Variants in ZNF691 observed in about 807,000 individuals in gnomAD.
The protein encoded by ZNF691 is zinc finger protein 691.
In ZNF691, 11 loss-of-function variants were observed where a neutral mutation model predicts 24.1. The observed-to-expected ratio is 0.46, with a 90% CI of 0.29 to 0.75. ZNF691 has a LOEUF of 0.75. ZNF691 is among the 30% of genes least tolerant of loss of function. The pLI is 0.11. For synonymous variants in ZNF691, 149 were observed against 153.9 expected, an observed-to-expected ratio of 0.97 and a Z score of 0.23; for missense variants, 356 against 409.0, an observed-to-expected ratio of 0.87 and a Z score of 1.12.
At chr1:42,849,843 T>A in intron 3 of ZNF691, 101 bp downstream of exon 3, 4 of 998,978 alleles carry the variant, frequency 4.0e-6, no homozygotes, top group Non-Finnish European at 4.6e-6. Context: ...AATCAGGACC[T>A]GTACTGGGCA....
At position 42,851,064 on chromosome 1, in the gene ZNF691, G is replaced by T. The variant is rs1244576181; in HGVS notation, c.199G>T (p.Gly67Trp). Residue 67 changes from glycine (G) to tryptophan (W), a missense_variant, in exon 4 of 4, where the codon GGG (glycine) becomes TGG (tryptophan). Physicochemically the swap from Gly to Trp is radical, Grantham distance 184 (BLOSUM62 -2). Transcript: ENST00000651192. This position sits in a 1 kb window ranked among gnomAD's most constrained non-coding sequence, Gnocchi z 4.7. ...DDSEGSWIPP[G>W]EKEHGQESLS... ...CTCAGAGGGTTCTTGGATCCCACCT[G>T]GGGAGAAGGAGCATGGGCAAGAGAG... 2 of 1,601,862 alleles carry T rather than the reference G, an allele frequency of 1.2e-6. No individual in the cohort carries two copies. The highest frequency in any genetic ancestry group is 1.7e-6 in the Non-Finnish European group (2 of 1,174,096).
rs200667005 is a variant in ZNF691 at position 42,851,853 on chromosome 1, A to C, written c.*40A>C. On this transcript the variant is annotated 3_prime_UTR_variant, in exon 4 of 4. Coordinates refer to ENST00000651192, the MANE Select transcript of ZNF691 (RefSeq NM_001242739.2). This position sits in a 1 kb window ranked among gnomAD's most constrained non-coding sequence, Gnocchi z 4.7. ...TAGAGTGAGGGAGAGAGAGTGAGAG[A>C]CCCTAACCTATTGGAGGAAGATCTT... is the stretch of plus-strand genomic sequence containing the variant. The C allele has an allele frequency of 7.6e-5, 123 of 1,612,694 alleles. No homozygotes were observed. The highest frequency in any genetic ancestry group is 6.9e-4 in the Admixed American group (41 of 59,804).
At chr1:42,850,189 T>C (rs1183314881) in intron 3 of ZNF691, among the ~76,000 whole-genome samples, 2 of 147,720 alleles carry the variant, frequency 1.4e-5, no homozygotes, top group African/African-American at 5.0e-5. Flanking sequence ...GCTTTGTGTA[T>C]GGTGTGACTG....
chr1:42,850,254 G>A, intron 3 of ZNF691: 1 of 209,354 alleles, frequency 4.8e-6, no homozygotes, highest in Non-Finnish European at 8.3e-6. Flanking sequence ...GGCGGGGGGT[G>A]TGGGTGGGGC....
At chr1:42,847,489 T>C (rs949568344) in intron 1 of ZNF691, among the ~76,000 whole-genome samples, 47 of 152,308 alleles carry the variant, frequency 3.1e-4, no homozygotes, top group African/African-American at 9.6e-4. Flanking sequence ...ATCTCTGCAG[T>C]GTGATATGAA....
intron 1 of ZNF691, among the ~76,000 whole-genome samples, chr1:42,848,945 A>G (rs1341141338): frequency 6.6e-6 from 1 of 152,220 alleles, no homozygotes; most frequent in Non-Finnish European, 1.5e-5. Context: ...TTCAAGGAAC[A>G]CTAACAGGGA....
rs1012999370 is a variant in ZNF691 at position 42,851,976 on chromosome 1, G to A, written c.*163G>A. On this transcript the variant is annotated 3_prime_UTR_variant, in exon 4 of 4. Transcript: ENST00000651192. This position sits in a 1 kb window ranked among gnomAD's most constrained non-coding sequence, Gnocchi z 4.7. ...AAGTCAGGATCTCAGGAAGTCCTGA[G>A]GAGGGACTCTGGAATAAAAACCCTT... The A allele has an allele frequency of 1.2e-5, 13 of 1,118,674 alleles. No homozygotes were observed. Among genetic ancestry groups the A allele is most frequent in the Middle Eastern group, 3.9e-4 (2 of 5,188 alleles). The allele number at this position is 1,118,674 out of a possible 1,614,324, so 69.3% of individuals were successfully genotyped here.
At position 42,848,293 on chromosome 1, in the gene ZNF691, C is replaced by T. The variant is rs553646909; in HGVS notation, c.-217-998C>T. 7.9e-5 allele frequency among the ~76,000 whole-genome samples: 12 copies of T among 151,852 alleles called. No individual in the cohort carries two copies. In the South Asian group the frequency reaches 2.3e-3, roughly 29 times the overall value. On this transcript the variant is annotated intron_variant, in intron 1 of 3. Transcript: ENST00000651192. Reference sequence around the variant, plus strand: ...CAGGGGGTGGGGGATGGGATGGTGGCGTGAATTAAGATCACATCCTGTCAC... The same window carrying T: ...CAGGGGGTGGGGGATGGGATGGTGGTGTGAATTAAGATCACATCCTGTCAC...
In ZNF691 at chr1:42,849,672, C is replaced by T. The variant is rs1216889191; in HGVS notation, c.14C>T (p.Ser5Leu). The T allele has an allele frequency of 6.4e-7, 1 of 1,551,086 alleles. No homozygotes were observed. The highest frequency in any genetic ancestry group is 2.0e-5 in the Admixed American group (1 of 51,006). Residue 5 changes from serine to leucine, a missense_variant, in exon 3 of 4, where the codon TCA (serine) becomes TTA (leucine). By Grantham distance (145) the Ser-to-Leu change is moderately radical. Transcript: ENST00000651192. MSLC[S>L]PTHSAEMSLF... ...ATCCCTTTGTTCATGTCACTCTGTT[C>T]ACCAACCCACTCTGCTGAAATGTCG...
rs1655402657 is a variant in ZNF691, at chr1:42,851,767, A to G, written c.902A>G (p.His301Arg). 1 of 1,614,096 alleles carries G rather than the reference A, an allele frequency of 6.2e-7. No individual in the cohort carries two copies. The highest frequency in any genetic ancestry group is 8.5e-7 in the Non-Finnish European group (1 of 1,180,010). ...TCCCGGAGCTCGAATCTCATCCGCC[A>G]CCAGAAAACTCACTTGGGCGAACAG... is the stretch of plus-strand genomic sequence containing the variant. ...HFSRSSNLIR[H>R]QKTHLGEQAG... The change falls in exon 4 of 4, where the codon CAC (histidine) becomes CGC (arginine). Residue 301 changes from histidine to arginine, a missense_variant. His to Arg is a conservative substitution (Grantham distance 29, BLOSUM62 0). Coordinates refer to ENST00000651192, the MANE Select transcript of ZNF691 (RefSeq NM_001242739.2). This position sits in a 1 kb window ranked among gnomAD's most constrained non-coding sequence, Gnocchi z 4.7.
chr1:42,848,306 C>A (rs1429332747), intron 1 of ZNF691, among the ~76,000 whole-genome samples: 1 of 152,122 alleles, frequency 6.6e-6, no homozygotes, highest in East Asian at 1.9e-4. Context: ...GAATTAAGAT[C>A]ACATCCTGTC....
At chr1:42,850,722 C>T in intron 3 of ZNF691, 1 of 1,550,582 alleles carries the variant, frequency 6.4e-7, no homozygotes, top group Non-Finnish European at 8.7e-7. Context: ...GTGGACAAAG[C>T]CGGTGCCTTC....
Position 42,851,179 on chromosome 1 carries a change from A to C in ZNF691, c.314A>C (p.His105Pro), listed in dbSNP as rs536716614. The change falls in exon 4 of 4, where the codon CAT (histidine) becomes CCT (proline). Residue 105 changes from histidine (H) to proline (P), a missense_variant. His to Pro is a moderately conservative substitution (Grantham distance 77). Transcript: ENST00000651192. The surrounding 1 kb of genome is among the most constrained non-coding windows in gnomAD (Gnocchi z 4.7). ...CGAGAGCTAGGGGACCCCATTGCTC[A>C]TCCAAGGCATGAGGCAGATGAGAAG... ...RARELGDPIA[H>P]PRHEADEKPF... is the part of the protein sequence containing the mutation. 50 of 1,614,242 alleles carry C rather than the reference A, an allele frequency of 3.1e-5. No homozygotes were observed. The Middle Eastern group carries it at 4.9e-4, about 16-fold the overall frequency.
Position 42,851,846 on chromosome 1 carries a change from G to A in ZNF691, c.*33G>A, listed in dbSNP as rs1268324638. On this transcript the variant is annotated 3_prime_UTR_variant, in exon 4 of 4. Coordinates refer to ENST00000651192, the MANE Select transcript of ZNF691 (RefSeq NM_001242739.2). This position sits in a 1 kb window ranked among gnomAD's most constrained non-coding sequence, Gnocchi z 4.7. ...CCCCATTTAGAGTGAGGGAGAGAGA[G>A]TGAGAGACCCTAACCTATTGGAGGA... The A allele has an allele frequency of 6.2e-7, 1 of 1,613,508 alleles. No homozygotes were observed. Among genetic ancestry groups the A allele is most frequent in the African/African-American group, 1.3e-5 (1 of 74,868 alleles).
In ZNF691 at chr1:42,849,746, CT is replaced by C. The variant is rs1240312395; in HGVS notation, c.84+8del. The C allele has an allele frequency of 1.3e-6, 2 of 1,550,452 alleles. No individual in the cohort carries two copies. Among genetic ancestry groups the C allele is most frequent in the South Asian group, 1.2e-5 (1 of 84,050 alleles). On this transcript the variant is annotated splice_donor_5th_base_variant and intron_variant, in intron 3 of 3. Coordinates refer to ENST00000651192, the MANE Select transcript of ZNF691 (RefSeq NM_001242739.2). The stretch of plus-strand genomic sequence containing the variant: ...AATGCTACCACTCTCATCAGAGGTA[CT>C]TTTCCCCCCAACTCTTTCCCTGTCC...
Position 42,850,599 on chromosome 1 carries a change from T to C in ZNF691, c.85-351T>C, listed in dbSNP as rs113236619. 3,407 of 1,518,906 alleles carry C rather than the reference T, an allele frequency of 2.2e-3. 68 individuals carry two copies. In the African/African-American group the frequency reaches 0.042, roughly 19 times the overall value. The allele number at this position is 1,518,906 out of a possible 1,614,324, so 94.1% of individuals were successfully genotyped here. A position where few individuals can be genotyped will look rare whatever the true frequency, so the allele number is the denominator to read the frequency against. On this transcript the variant is annotated intron_variant, in intron 3 of 3. Transcript: ENST00000651192. ...CAGTTAGGCAGAAAAATTGAACTTATCCCAAAATGAAAGCTCTTTTACTTG... is the reference window on the plus strand; with the variant it reads ...CAGTTAGGCAGAAAAATTGAACTTACCCCAAAATGAAAGCTCTTTTACTTG...
rs1655405075 is a variant in ZNF691 at position 42,851,843 on chromosome 1, AGAGT to A, written c.*34_*37del. ...GAGCCCCATTTAGAGTGAGGGAGAG[AGAGT>A]GAGAGACCCTAACCTATTGGAGGAA... On this transcript the variant is annotated 3_prime_UTR_variant, in exon 4 of 4. Coordinates refer to ENST00000651192, the MANE Select transcript of ZNF691 (RefSeq NM_001242739.2). The surrounding 1 kb of genome is among the most constrained non-coding windows in gnomAD (Gnocchi z 4.7). 1.2e-6 allele frequency: 2 copies of A among 1,613,734 alleles called. No individual in the cohort carries two copies. The highest frequency in any genetic ancestry group is 1.7e-6 in the Non-Finnish European group (2 of 1,179,796).
chr1:42,849,873 G>A (rs1655334089), intron 3 of ZNF691, 131 bp downstream of exon 3: 3 of 777,490 alleles, frequency 3.9e-6, no homozygotes, highest in Non-Finnish European at 6.6e-6. Context: ...GTTTAGTTTT[G>A]GGGTGGGGTG....
At chr1:42,849,246 C>T in intron 1 of ZNF691, 45 bp from the exon 2 acceptor site, 1 of 376,204 alleles carries the variant, frequency 2.7e-6, no homozygotes, top group Non-Finnish European at 5.2e-6. Context: ...AAAGTTTTTT[C>T]TTAATGAGAT....
Sources: allele counts gnomAD v4.1 joint callset (sites outside exome capture counted in the v4.1 genomes callset), GRCh38; gene constraint gnomAD v4.1.1; non-coding constraint Gnocchi (gnomAD v3.1); transcripts MANE v1.5; gene names NCBI Gene and HGNC (gene_info 2026-07-23, HGNC 2026-07-21).